Variants in ST6GAL1 observed in about 807,000 individuals in gnomAD.
ST6GAL1 encodes the protein beta-galactoside alpha-2,6-sialyltransferase 1.
A neutral mutation model predicts 38.0 loss-of-function variants in ST6GAL1; 20 were observed. The ratio of observed to expected loss-of-function variants is 0.53; its 90% CI spans 0.37 to 0.77. ST6GAL1 has a LOEUF of 0.77. Among genes scored for constraint, ST6GAL1 ranks in the 30% least tolerant of loss-of-function variants. The pLI is 0.00. For missense variants in ST6GAL1, 432 were observed against 496.4 expected (o/e 0.87, Z 1.23); for synonymous variants, 196 against 188.2 (o/e 1.04, Z -0.34).
At chr3:186,962,168 C>T (rs796552676) in intron 1 of ST6GAL1, among the ~76,000 whole-genome samples, 5 of 152,310 alleles carry the variant, frequency 3.3e-5, no homozygotes, top group African/African-American at 9.6e-5. Context: ...TACCACCCAT[C>T]GCATGGCTCA....
At chr3:187,029,331 C>A (rs1270469410) in intron 2 of ST6GAL1, among the ~76,000 whole-genome samples, 1 of 152,010 alleles carries the variant, frequency 6.6e-6, no homozygotes, top group East Asian at 1.9e-4. Context: ...TTTTCTAGAA[C>A]AACTTTCTTA....
intron 2 of ST6GAL1, among the ~76,000 whole-genome samples, chr3:186,976,481 A>T (rs987193960): frequency 1.3e-5 from 2 of 151,908 alleles, no homozygotes; most frequent in African/African-American, 4.8e-5. Flanking sequence ...CTAGGCTGGA[A>T]TGCAGTGGCA....
intron 4 of ST6GAL1, among the ~76,000 whole-genome samples, chr3:187,044,565 T>C (rs73071458): frequency 0.021 from 3,164 of 152,356 alleles, 106 homozygotes; most frequent in African/African-American, 0.069. Flanking sequence ...AGAAACTAAA[T>C]GTGATTGGTT....
At chr3:187,037,534 CA>C (rs1717971192) in intron 2 of ST6GAL1, among the ~76,000 whole-genome samples, 1 of 152,072 alleles carries the variant, frequency 6.6e-6, no homozygotes, top group Non-Finnish European at 1.5e-5. Flanking sequence ...TCCTACATCG[CA>C]TCAAAAGAAG....
chr3:187,023,456 A>C (rs1169609776), intron 2 of ST6GAL1, among the ~76,000 whole-genome samples: 2 of 152,258 alleles, frequency 1.3e-5, no homozygotes, highest in Non-Finnish European at 2.9e-5. Flanking sequence ...GCATTTGCTG[A>C]AAGAATGAAC....
At chr3:186,997,210 A>G (rs574992421) in intron 2 of ST6GAL1, among the ~76,000 whole-genome samples, 30 of 152,272 alleles carry the variant, frequency 2.0e-4, no homozygotes, top group African/African-American at 6.5e-4. Context: ...CCTGACCTCT[A>G]TAGTCCTTTG....
intron 2 of ST6GAL1, among the ~76,000 whole-genome samples, chr3:187,015,548 G>A (rs1717087171): frequency 6.6e-6 from 1 of 152,114 alleles, no homozygotes; most frequent in African/African-American, 2.4e-5. Flanking sequence ...CATTAAGAGT[G>A]CAGTCTTTCC....
intron 5 of ST6GAL1, among the ~76,000 whole-genome samples, chr3:187,059,624 C>T (rs1418142133): frequency 6.6e-6 from 1 of 152,180 alleles, no homozygotes. Flanking sequence ...CATCAAGTTA[C>T]TTCTCTCTAA....
intron 2 of ST6GAL1, among the ~76,000 whole-genome samples, chr3:186,989,274 G>A (rs2108544032): frequency 6.6e-6 from 1 of 152,212 alleles, no homozygotes; most frequent in Admixed American, 6.5e-5. Flanking sequence ...AGTCTTAAAA[G>A]GTTGTTTTTT....
intron 2 of ST6GAL1, among the ~76,000 whole-genome samples, chr3:186,984,676 C>G (rs1160238685): frequency 6.6e-6 from 1 of 151,806 alleles, no homozygotes; most frequent in Non-Finnish European, 1.5e-5. Context: ...AAATGGAAAC[C>G]TACCTCAACC....
intron 1 of ST6GAL1, among the ~76,000 whole-genome samples, chr3:186,944,046 G>A (rs1714272550): frequency 6.6e-6 from 1 of 152,188 alleles, no homozygotes; most frequent in East Asian, 1.9e-4. Context: ...TGGGACTAGT[G>A]GGTCTGATGT....
At chr3:186,996,644 G>A (rs1002243060) in intron 2 of ST6GAL1, 6 of 152,146 alleles carry the variant, frequency 3.9e-5, no homozygotes, top group African/African-American at 9.7e-5. Context: ...AGGCAACGAC[G>A]TTCCATCTGT....
At chr3:187,072,980 G>T (rs956430252) in intron 6 of ST6GAL1, 33 bp downstream of exon 6, 2 of 1,524,414 alleles carry the variant, frequency 1.3e-6, no homozygotes, top group Admixed American at 3.3e-5. Context: ...TAGGGGTTGA[G>T]TTTCCTGTCT....
At chr3:187,004,879 CCTTT>C (rs1716731073) in intron 2 of ST6GAL1, among the ~76,000 whole-genome samples, 3 of 152,256 alleles carry the variant, frequency 2.0e-5, no homozygotes, top group African/African-American at 4.8e-5. Context: ...CCTTTTACAA[CCTTT>C]CTATCTTCTA....
At chr3:187,050,583 A>T (rs1380957329) in intron 4 of ST6GAL1, among the ~76,000 whole-genome samples, 2 of 150,368 alleles carry the variant, frequency 1.3e-5, no homozygotes, top group African/African-American at 4.9e-5. Flanking sequence ...GGAAGGAGGG[A>T]GGGAAGGAAG....
intron 4 of ST6GAL1, among the ~76,000 whole-genome samples, chr3:187,050,843 GTT>G (rs1043991221): frequency 6.6e-6 from 1 of 152,206 alleles, no homozygotes; most frequent in African/African-American, 2.4e-5. Context: ...ATATGGTAGT[GTT>G]TTCATTTTTC....
chr3:186,979,833 C>G (rs186190893), intron 2 of ST6GAL1, among the ~76,000 whole-genome samples: 1 of 152,242 alleles, frequency 6.6e-6, no homozygotes, highest in East Asian at 1.9e-4. Flanking sequence ...GTCTCGGGCA[C>G]TTTAATTGCT....
chr3:187,067,983 TC>T (rs1719226790), intron 5 of ST6GAL1, among the ~76,000 whole-genome samples: 1 of 152,138 alleles, frequency 6.6e-6, no homozygotes, highest in Non-Finnish European at 1.5e-5. Flanking sequence ...CTGACGTCCT[TC>T]CCCAAGAGCT....
At chr3:187,006,692 G>C (rs1336209583) in intron 2 of ST6GAL1, 2 of 152,234 alleles carry the variant, frequency 1.3e-5, no homozygotes, top group African/African-American at 4.8e-5. Context: ...CTAGCAATTA[G>C]CAGAGCTGGA....
Sources: allele counts gnomAD v4.1 joint callset (sites outside exome capture counted in the v4.1 genomes callset), GRCh38; gene constraint gnomAD v4.1.1; transcripts MANE v1.5; gene names NCBI Gene and HGNC (gene_info 2026-07-23, HGNC 2026-07-21).